Variants in LRIG1 observed in about 807,000 individuals in gnomAD.
The protein encoded by LRIG1 is leucine-rich repeats and immunoglobulin-like domains protein 1.
A neutral mutation model predicts 99.2 loss-of-function variants in LRIG1; 48 were observed. The ratio of observed to expected loss-of-function variants is 0.48; its 90% CI spans 0.38 to 0.62. LRIG1 has a LOEUF of 0.62. Among genes scored for constraint, LRIG1 ranks in the 20% least tolerant of loss-of-function variants. The pLI is 0.00. For missense variants in LRIG1, 1,646 were observed against 1,434.4 expected (o/e 1.15, Z -2.38); for synonymous variants, 772 against 596.1 (o/e 1.29, Z -4.30).
rs1363513806 is a variant in LRIG1 at position 66,459,185 on chromosome 3, G to A, written c.290+3253C>T. Among the ~76,000 whole-genome samples, 4 of 152,264 alleles carry A rather than the reference G, an allele frequency of 2.6e-5. No homozygotes were observed. The East Asian group carries it at 7.7e-4, about 29-fold the overall frequency. On this transcript the variant is annotated intron_variant, in intron 2 of 18. Coordinates refer to ENST00000273261, the MANE Select transcript of LRIG1 (RefSeq NM_015541.3). Reference sequence around the variant, plus strand: ...CAGTATCTCCAATGAAGGAAAGGTGGGAGTGCTCAGTTCTAGAGCTGGGTG... The same window carrying A: ...CAGTATCTCCAATGAAGGAAAGGTGAGAGTGCTCAGTTCTAGAGCTGGGTG...
rs62245369 is a variant in LRIG1 at position 66,432,392 on chromosome 3, G to A, written c.366-15126C>T. Among the ~76,000 whole-genome samples the A allele has an allele frequency of 6.7e-3, 1,026 of 152,322 alleles. 5 individuals are homozygous for A. The highest frequency in any genetic ancestry group is 0.012 in the Non-Finnish European group (793 of 68,026). ...TTGCCCTTGATGCTTAGCTATGGAG[G>A]AGTCACACTGCATTTTCTTTCCAGT... On this transcript the variant is annotated intron_variant, in intron 3 of 18. Coordinates refer to ENST00000273261, the MANE Select transcript of LRIG1 (RefSeq NM_015541.3).
At chr3:66,383,527 GGC>G in intron 14 of LRIG1, 126 bp from the exon 15 acceptor site, 3 of 873,728 alleles carry the variant, frequency 3.4e-6, no homozygotes, top group Non-Finnish European at 5.1e-6. Context: ...GTCTCAGAGT[GGC>G]AAGCTTTGGA....
chr3:66,448,496 C>T (rs991478289), intron 3 of LRIG1, among the ~76,000 whole-genome samples: 1 of 152,182 alleles, frequency 6.6e-6, no homozygotes, highest in African/African-American at 2.4e-5. Context: ...GACATTATTG[C>T]CCCTACTCTC....
chr3:66,385,655 G>C (rs976405123), intron 13 of LRIG1, among the ~76,000 whole-genome samples: 1 of 152,100 alleles, frequency 6.6e-6, no homozygotes, highest in Non-Finnish European at 1.5e-5. Context: ...GTTTCACTAT[G>C]TTGGCCACAC....
chr3:66,399,068 A>G, intron 9 of LRIG1, 27 bp from the exon 10 acceptor site: 1 of 1,575,320 alleles, frequency 6.3e-7, no homozygotes, highest in Non-Finnish European at 8.7e-7. Context: ...TCCAGAAATT[A>G]AGGCCAGGGA....
chr3:66,406,389 T>C (rs1430773314), intron 8 of LRIG1: 1 of 985,340 alleles, frequency 1.0e-6, no homozygotes, highest in Non-Finnish European at 1.2e-6. Context: ...AGTCTGAATG[T>C]TCCCAGCCTT....
chr3:66,388,855 C>A (rs1458866458), intron 12 of LRIG1, among the ~76,000 whole-genome samples: 4 of 152,232 alleles, frequency 2.6e-5, no homozygotes, highest in African/African-American at 9.6e-5. Flanking sequence ...CACAAGAAAT[C>A]CAGGAGAGTA....
rs1702634234 is a variant in LRIG1 at position 66,416,991 on chromosome 3, C to T, written c.503+138G>A. On this transcript the variant is annotated intron_variant, in intron 4 of 18. Coordinates refer to ENST00000273261, the MANE Select transcript of LRIG1 (RefSeq NM_015541.3). Reference sequence around the variant, plus strand: ...TGCCCTGCTCAGGGAAGGTCTGAACCATCCCCACTGACTCGGCCCAGCCGT... The same window carrying T: ...TGCCCTGCTCAGGGAAGGTCTGAACTATCCCCACTGACTCGGCCCAGCCGT... 3 of 1,132,942 alleles carry T rather than the reference C, an allele frequency of 2.6e-6. No individual in the cohort carries two copies. In the East Asian group the frequency reaches 7.1e-5, roughly 27 times the overall value. 70.2% of individuals were successfully genotyped at this position (1,132,942 alleles called of 1,614,324 possible).
chr3:66,399,249 T>C (rs1249075453), intron 9 of LRIG1, among the ~76,000 whole-genome samples: 1 of 152,226 alleles, frequency 6.6e-6, no homozygotes, highest in South Asian at 2.1e-4. Context: ...TGAAATACTT[T>C]TATCTTTATT....
chr3:66,441,348 C>T (rs1176675829), intron 3 of LRIG1, among the ~76,000 whole-genome samples: 3 of 152,106 alleles, frequency 2.0e-5, no homozygotes, highest in Non-Finnish European at 4.4e-5. Context: ...AGCCACTATC[C>T]GAGAATCTAC....
chr3:66,395,572 A>ATGC (rs541034533), intron 11 of LRIG1, among the ~76,000 whole-genome samples: 58 of 152,332 alleles, frequency 3.8e-4, no homozygotes, highest in African/African-American at 1.3e-3. Flanking sequence ...TATAACTGGG[A>ATGC]TGCTGGCCCA....
rs564883588 is a variant in LRIG1, at chr3:66,420,245, A to C, written c.366-2979T>G. On this transcript the variant is annotated intron_variant, in intron 3 of 18. Transcript: ENST00000273261. ...AATGTAAACCACAACCACAATGAGA[A>C]GTCACCTCACACCCACTAGGATGGC... Among the ~76,000 whole-genome samples, 9 of 152,302 alleles carry C rather than the reference A, an allele frequency of 5.9e-5. No individual in the cohort carries two copies. In the East Asian group the frequency reaches 1.2e-3, roughly 20 times the overall value.
chr3:66,479,379 C>A (rs1268465143), intron 1 of LRIG1, among the ~76,000 whole-genome samples: 4 of 152,224 alleles, frequency 2.6e-5, no homozygotes, highest in African/African-American at 9.6e-5. Context: ...AGGAAAACCA[C>A]TGCTCTTTCC....
At chr3:66,436,814 C>A (rs1331292038) in intron 3 of LRIG1, among the ~76,000 whole-genome samples, 1 of 151,032 alleles carries the variant, frequency 6.6e-6, no homozygotes, top group Non-Finnish European at 1.5e-5. Context: ...TCTCATGCTC[C>A]CAAAATCTCC....
chr3:66,448,941 C>T (rs890172960), intron 3 of LRIG1, among the ~76,000 whole-genome samples: 8 of 152,204 alleles, frequency 5.3e-5, no homozygotes, highest in African/African-American at 1.9e-4. Flanking sequence ...TAAATATTTA[C>T]AGAACACGTG....
At chr3:66,408,109 A>G (rs1048493377) in intron 7 of LRIG1, among the ~76,000 whole-genome samples, 7 of 152,154 alleles carry the variant, frequency 4.6e-5, no homozygotes, top group African/African-American at 1.7e-4. Context: ...CTTTGCCCGA[A>G]CCTCAGAATC....
At chr3:66,427,634 C>G (rs1703026987) in intron 3 of LRIG1, among the ~76,000 whole-genome samples, 1 of 152,152 alleles carries the variant, frequency 6.6e-6, no homozygotes, top group Non-Finnish European at 1.5e-5. Context: ...ACCCTCATCT[C>G]TTAAAAAAAT....
At chr3:66,438,361 T>C (rs1304101887) in intron 3 of LRIG1, among the ~76,000 whole-genome samples, 1 of 152,158 alleles carries the variant, frequency 6.6e-6, no homozygotes, top group Non-Finnish European at 1.5e-5. Flanking sequence ...GGGATGTGAG[T>C]CTGTTCCAAA....
At chr3:66,404,224 A>G in intron 9 of LRIG1, 1 of 1,287,560 alleles carries the variant, frequency 7.8e-7, no homozygotes, top group Non-Finnish European at 1.0e-6. Context: ...ATATAAAAAG[A>G]CTCTCCCTAC....
Sources: gnomAD v4.1 joint callset for allele counts (sites outside exome capture counted in the v4.1 genomes callset) on GRCh38, gnomAD v4.1.1 for gene constraint, MANE v1.5 for transcripts, NCBI Gene and HGNC (gene_info 2026-07-23, HGNC 2026-07-21) for gene names.